TMEM181: variants seen among roughly 807,000 people sequenced by gnomAD.
TMEM181 encodes G protein-coupled receptor 178.
TMEM181 carries 39 observed loss-of-function variants against 71.9 expected under a neutral mutation model. The ratio of observed to expected loss-of-function variants is 0.54; its 90% CI spans 0.42 to 0.71. TMEM181 has a LOEUF of 0.71. Ranked by LOEUF, TMEM181 falls within the 30% of genes least tolerant of loss-of-function variation. The pLI is 0.00. For missense variants in TMEM181, 595 were observed against 583.0 expected (o/e 1.02, Z -0.21); for synonymous variants, 245 against 228.8 (o/e 1.07, Z -0.64).
At chr6:158,606,540 A>G (rs888776858) in intron 7 of TMEM181, among the ~76,000 whole-genome samples, 20 of 152,356 alleles carry the variant, frequency 1.3e-4, no homozygotes, top group African/African-American at 4.6e-4. Context: ...TCCCTAGGCA[A>G]GGAAACCCAC....
chr6:158,632,727 T>G lies in TMEM181; in HGVS notation c.*839T>G, dbSNP rs1360274070. 6.6e-6 allele frequency: 1 copy of G among 152,264 alleles called. No homozygotes were observed. The highest frequency in any genetic ancestry group is 1.5e-5 in the Non-Finnish European group (1 of 68,066). 9.4% of individuals were successfully genotyped at this position (152,264 alleles called of 1,614,324 possible). A position where few individuals can be genotyped will look rare whatever the true frequency, so the allele number is the denominator to read the frequency against. On this transcript the variant is annotated 3_prime_UTR_variant, in exon 17 of 17. Transcript: ENST00000684151. The stretch of plus-strand genomic sequence containing the variant: ...CAGTAAATAGCAGTTTCTGCAATTC[T>G]GTTGAATATGAAATGCCATAGAGCT...
upstream of TMEM181, among the ~76,000 whole-genome samples, chr6:158,558,473 G>A (rs1224028374): frequency 6.6e-6 from 1 of 152,164 alleles, no homozygotes; most frequent in Non-Finnish European, 1.5e-5. Context: ...AAAGGACTTT[G>A]GGGCTGCAAC....
chr6:158,610,936 C>T, intron 10 of TMEM181: 1 of 416,798 alleles, frequency 2.4e-6, no homozygotes, highest in Non-Finnish European at 4.6e-6. Context: ...GGGACGGGTT[C>T]CTCCTGAGAG....
chr6:158,556,263 C>T (rs140255788), upstream of TMEM181, among the ~76,000 whole-genome samples: 4 of 152,218 alleles, frequency 2.6e-5, no homozygotes, highest in African/African-American at 7.2e-5. Context: ...AAAAGGCAAG[C>T]TGTGCCAGCA....
chr6:158,550,402 A>G (rs1781682018), intron 1 of TMEM181, among the ~76,000 whole-genome samples: 1 of 151,478 alleles, frequency 6.6e-6, no homozygotes, highest in Non-Finnish European at 1.5e-5. Context: ...TCATGCCTGT[A>G]ATCCCAGCAC....
At chr6:158,608,244 AGGTGCTGACCCCGCAGAGGTATGGG>A in intron 8 of TMEM181, 64 bp from the exon 9 acceptor site, 1 of 1,493,702 alleles carries the variant, frequency 6.7e-7, no homozygotes, top group Non-Finnish European at 9.1e-7. Flanking sequence ...GCTCTCTGCT[AGGTGCTGACCCCGCAGAGGTATGGG>A]GTGCTGTCTG....
At chr6:158,609,850 AG>A in intron 10 of TMEM181, 2 of 238,254 alleles carry the variant, frequency 8.4e-6, no homozygotes. Flanking sequence ...GAACCCGGCT[AG>A]GGAGGAAGTA....
At chr6:158,593,846 CCCATTGTCAG>C (rs1299879827) in intron 6 of TMEM181, among the ~76,000 whole-genome samples, 1 of 152,136 alleles carries the variant, frequency 6.6e-6, no homozygotes, top group African/African-American at 2.4e-5. Flanking sequence ...CACAGCCTCC[CCCATTGTCAG>C]CATCTCGCAC....
At chr6:158,570,047 C>T (rs563070469) in intron 1 of TMEM181, among the ~76,000 whole-genome samples, 20 of 152,212 alleles carry the variant, frequency 1.3e-4, no homozygotes, top group African/African-American at 4.3e-4. Flanking sequence ...CAAGTAATTT[C>T]TCTTGTGCTT....
At position 158,560,199 on chromosome 6, in the gene TMEM181, C is replaced by T. The variant is rs1235371517; in HGVS notation, c.-26C>T. ...CCTGGCGGGCTCGGGACGCGCGGGC[C>T]GGGGCCGAGGGCTCTGGGCGCCGAG... On this transcript the variant is annotated 5_prime_UTR_variant, in exon 1 of 17. Transcript: ENST00000684151. 6 of 984,780 alleles carry T rather than the reference C, an allele frequency of 6.1e-6. No homozygotes were observed. The highest frequency in any genetic ancestry group is 7.2e-6 in the Non-Finnish European group (6 of 829,740). 61.0% of individuals were successfully genotyped at this position (984,780 alleles called of 1,614,324 possible).
At chr6:158,576,933 G>T (rs1315672304) in intron 2 of TMEM181, among the ~76,000 whole-genome samples, 15 of 151,930 alleles carry the variant, frequency 9.9e-5, no homozygotes, top group Non-Finnish European at 5.9e-5. Flanking sequence ...ATGGTGGTGG[G>T]CACCTGTAGC....
intron 6 of TMEM181, among the ~76,000 whole-genome samples, chr6:158,595,953 G>C (rs1282071639): frequency 2.0e-5 from 3 of 152,006 alleles, no homozygotes; most frequent in African/African-American, 7.3e-5. Context: ...ACGGAGTCTT[G>C]CTCTGTCACC....
chr6:158,546,209 G>A (rs1186634225), intron 1 of TMEM181, among the ~76,000 whole-genome samples: 3 of 152,132 alleles, frequency 2.0e-5, no homozygotes, highest in Non-Finnish European at 4.4e-5. Context: ...TCTTCCAGTG[G>A]AGACTGTCCT....
intron 10 of TMEM181, 45 bp from the exon 11 acceptor site, chr6:158,623,505 A>G: frequency 7.9e-7 from 1 of 1,258,930 alleles, no homozygotes; most frequent in South Asian, 1.6e-5. Flanking sequence ...AATAAAAAGT[A>G]AAGGTAGTTA....
intron 6 of TMEM181, among the ~76,000 whole-genome samples, chr6:158,594,154 A>T (rs1378713077): frequency 7.4e-6 from 1 of 135,168 alleles, no homozygotes; most frequent in Non-Finnish European, 1.5e-5. Flanking sequence ...GCTGGAGTGC[A>T]GTGGTGAGAT....
At chr6:158,595,441 T>G (rs1377232366) in intron 6 of TMEM181, among the ~76,000 whole-genome samples, 2 of 152,200 alleles carry the variant, frequency 1.3e-5, no homozygotes, top group East Asian at 3.8e-4. Flanking sequence ...GCGTGTAAAT[T>G]GATACAGCAG....
At chr6:158,623,343 C>T (rs913702477) in intron 10 of TMEM181, among the ~76,000 whole-genome samples, 1 of 152,112 alleles carries the variant, frequency 6.6e-6, no homozygotes, top group Admixed American at 6.5e-5. Flanking sequence ...AATGTGGACC[C>T]TTGGTAGGAT....
At chr6:158,567,707 C>T (rs1445573696) in intron 1 of TMEM181, among the ~76,000 whole-genome samples, 2 of 152,104 alleles carry the variant, frequency 1.3e-5, no homozygotes, top group African/African-American at 4.8e-5. Flanking sequence ...GTTGGATGCG[C>T]GGGTTTCAGT....
chr6:158,600,481 T>G (rs1784611447), intron 6 of TMEM181, among the ~76,000 whole-genome samples: 1 of 136,324 alleles, frequency 7.3e-6, no homozygotes, highest in Non-Finnish European at 1.6e-5. Context: ...TTTTTTTTTT[T>G]TTTTTGGAGA....
Sources: gnomAD v4.1 joint callset for allele counts (sites outside exome capture counted in the v4.1 genomes callset) on GRCh38, gnomAD v4.1.1 for gene constraint, MANE v1.5 for transcripts, NCBI Gene and HGNC (gene_info 2026-07-23, HGNC 2026-07-21) for gene names.